Variants in HDAC7 observed in about 807,000 individuals in gnomAD.
The protein encoded by HDAC7 is histone deacetylase 7, also known as histone deacetylase 7A.
A neutral mutation model predicts 115.5 loss-of-function variants in HDAC7; 26 were observed. That is an observed-to-expected ratio of 0.23 (90% CI 0.16 to 0.31). The LOEUF is 0.31. Ranked by LOEUF, HDAC7 falls within the 10% of genes least tolerant of loss-of-function variation. The pLI is 1.00. For missense variants in HDAC7, 1,068 were observed against 1,329.0 expected, an observed-to-expected ratio of 0.80 and a Z score of 3.05; for synonymous variants, 564 against 550.9, an observed-to-expected ratio of 1.02 and a Z score of -0.33.
In HDAC7 at chr12:47,798,638, C is replaced by T. The variant is rs765406519; in HGVS notation, c.273G>A (p.Thr91=). 4.3e-6 allele frequency: 7 copies of T among 1,613,548 alleles called. No homozygotes were observed. Among genetic ancestry groups the T allele is most frequent in the Admixed American group, 1.7e-5 (1 of 59,972 alleles). Residue 91 remains threonine, a synonymous_variant, in exon 4 of 26, where the codon ACG becomes ACA. Coordinates refer to ENST00000080059, the MANE Select transcript of HDAC7 (RefSeq NM_015401.5). This position sits in a 1 kb window ranked among gnomAD's most constrained non-coding sequence, Gnocchi z 4.3. The part of the protein sequence containing the change: ...SVEPMRLSMD[T]PMPELQVGPQ... ...GTCCCACCTGCAACTCGGGCATCGGCGTGTCCATGGAGAGCTGTGGGCAGG... is the reference window on the plus strand; with the variant it reads ...GTCCCACCTGCAACTCGGGCATCGGTGTGTCCATGGAGAGCTGTGGGCAGG...
intron 1 of HDAC7, chr12:47,802,577 C>A (rs888856464): frequency 3.6e-6 from 4 of 1,099,258 alleles, no homozygotes; most frequent in African/African-American, 1.6e-5. Context: ...TGCCCTCAGC[C>A]CTCCCTCCTG....
At chr12:47,800,374 A>T (rs1944103866) in intron 2 of HDAC7, among the ~76,000 whole-genome samples, 1 of 152,162 alleles carries the variant, frequency 6.6e-6, no homozygotes, top group African/African-American at 2.4e-5. Flanking sequence ...GGTTTGCAGT[A>T]GGCTGTCATT....
chr12:47,791,298 T>G lies in HDAC7; in HGVS notation c.1944A>C (p.Ala648=). Residue 648 remains alanine (A), a synonymous_variant, in exon 16 of 26, where the codon GCA becomes GCC. Coordinates refer to ENST00000080059, the MANE Select transcript of HDAC7 (RefSeq NM_015401.5). ...AGGGCAGCATCACAAACATCCGCTGTGCCAGGAGCCCTGCGGGGAGAGGCC... is the reference window on the plus strand; with the variant it reads ...AGGGCAGCATCACAAACATCCGCTGGGCCAGGAGCCCTGCGGGGAGAGGCC... The part of the protein sequence containing the change: ...LDNGKLAGLL[A]QRMFVMLPCG... 6.3e-7 allele frequency: 1 copy of G among 1,598,236 alleles called. No individual in the cohort carries two copies. The highest frequency in any genetic ancestry group is 8.5e-7 in the Non-Finnish European group (1 of 1,172,390).
intron 1 of HDAC7, chr12:47,813,120 A>C (rs1402954204): frequency 6.7e-6 from 1 of 149,866 alleles, no homozygotes; most frequent in East Asian, 2.0e-4. Context: ...CCGCCTCCAC[A>C]TTTGCTAACC....
chr12:47,819,961 T>A (rs1429667209), upstream of HDAC7: 1 of 114,674 alleles, frequency 8.7e-6, no homozygotes, highest in Non-Finnish European at 1.7e-5. Context: ...AGGATGACAA[T>A]GGAAGGAAAT....
At chr12:47,789,006 A>G in intron 19 of HDAC7, 1 of 497,252 alleles carries the variant, frequency 2.0e-6, no homozygotes, top group Non-Finnish European at 3.6e-6. Flanking sequence ...AATAGAGGTC[A>G]AAAGACAACA....
rs755370143 is a variant in HDAC7, at chr12:47,793,460, T to C, written c.1587A>G (p.Ala529=). 10 of 1,554,538 alleles carry C rather than the reference T, an allele frequency of 6.4e-6. No homozygotes were observed. The highest frequency in any genetic ancestry group is 8.7e-6 in the Non-Finnish European group (10 of 1,149,696). The change falls in exon 13 of 26, where the codon GCA becomes GCG. Residue 529 remains alanine (A), a synonymous_variant. Coordinates refer to ENST00000080059, the MANE Select transcript of HDAC7 (RefSeq NM_015401.5). This position sits in a 1 kb window ranked among gnomAD's most constrained non-coding sequence, Gnocchi z 4.5. ...PLSRAQSSPA[A]PASLSAPEPA... ...GCTCTGGGGCTGACAGTGAGGCAGG[T>C]GCGGCTGGGGAAGACTGAGCCCGGG...
chr12:47,785,221 G>C (rs1237765005), intron 24 of HDAC7, 166 bp downstream of exon 24: 2 of 646,228 alleles, frequency 3.1e-6, no homozygotes, highest in African/African-American at 1.8e-5. Flanking sequence ...CCCCTCACTG[G>C]GGGGTGCTCA....
rs943262880 is a variant in HDAC7, at chr12:47,797,466, G to A, written c.495C>T (p.Thr165=). The part of the protein sequence containing the change: ...TLEPLETEGA[T]RSMLSSFLPP... ...GCAAAAAGCTGCTGAGCATGGAGCG[G>A]GTGGCTCCTTCCGTCTCCAGGGGCT... Residue 165 remains threonine, a synonymous_variant, in exon 6 of 26, where the codon ACC becomes ACT. Coordinates refer to ENST00000080059, the MANE Select transcript of HDAC7 (RefSeq NM_015401.5). This position sits in a 1 kb window ranked among gnomAD's most constrained non-coding sequence, Gnocchi z 5.5. 10 of 1,613,686 alleles carry A rather than the reference G, an allele frequency of 6.2e-6. No individual in the cohort carries two copies. In the East Asian group the frequency reaches 6.7e-5, roughly 11 times the overall value.
At position 47,791,635 on chromosome 12, in the gene HDAC7, G is replaced by A. The variant is rs199772103; in HGVS notation, c.1884C>T (p.Tyr628=). 88 of 1,612,024 alleles carry A rather than the reference G, an allele frequency of 5.5e-5. No homozygotes were observed. The highest frequency in any genetic ancestry group is 3.6e-4 in the East Asian group (16 of 44,828). Reference sequence around the variant, plus strand: ...TGAGGCGGCTGAGCGGGTTGGTGCCGTAGAGGAGCACGTGCCGCTCAGAGT... The same window carrying A: ...TGAGGCGGCTGAGCGGGTTGGTGCCATAGAGGAGCACGTGCCGCTCAGAGT... ...SVHSERHVLL[Y]GTNPLSRLKL... Residue 628 remains tyrosine, a synonymous_variant, in exon 15 of 26, where the codon TAC becomes TAT. Transcript: ENST00000080059.
chr12:47,786,310 G>A (rs778178231), intron 22 of HDAC7, among the ~76,000 whole-genome samples: 34 of 152,314 alleles, frequency 2.2e-4, no homozygotes, highest in Middle Eastern at 3.4e-3. Context: ...GGAGTCCCAC[G>A]GCTGAGCTTC....
Position 47,803,613 on chromosome 12 carries a change from C to T in HDAC7, c.20-1339G>A, listed in dbSNP as rs1944266418. Among the ~76,000 whole-genome samples the T allele has an allele frequency of 6.6e-6, 1 of 152,198 alleles. No individual in the cohort carries two copies. The highest frequency in any genetic ancestry group is 6.5e-5 in the Admixed American group (1 of 15,284). On this transcript the variant is annotated intron_variant, in intron 1 of 25. Transcript: ENST00000080059. The surrounding 1 kb of genome is among the most constrained non-coding windows in gnomAD (Gnocchi z 4.0). ...TCCCCTCTTCCTTTTCCACAGCACTCGCTCTGTGTCTACCACCTTGACACT... is the reference window on the plus strand; with the variant it reads ...TCCCCTCTTCCTTTTCCACAGCACTTGCTCTGTGTCTACCACCTTGACACT...
At chr12:47,807,963 T>A (rs1565582276) in intron 1 of HDAC7, among the ~76,000 whole-genome samples, 1 of 152,194 alleles carries the variant, frequency 6.6e-6, no homozygotes, top group Non-Finnish European at 1.5e-5. Flanking sequence ...AGCTGCACCA[T>A]TTCTCTGTAT....
chr12:47,820,179 C>A (rs534588619), upstream of HDAC7, among the ~76,000 whole-genome samples: 8 of 151,418 alleles, frequency 5.3e-5, no homozygotes, highest in African/African-American at 1.7e-4. The surrounding 1 kb of genome is among the most constrained non-coding windows in gnomAD (Gnocchi z 4.3). Flanking sequence ...GCTCCGAGCC[C>A]CAGCCGCCGC....
chr12:47,807,239 C>T (rs1454853974), intron 1 of HDAC7, among the ~76,000 whole-genome samples: 1 of 152,178 alleles, frequency 6.6e-6, no homozygotes, highest in Non-Finnish European at 1.5e-5. Context: ...CGTGCCCAGC[C>T]CCCTGCCCTA....
chr12:47,785,671 A>T, intron 23 of HDAC7, 81 bp downstream of exon 23: 1 of 1,500,134 alleles, frequency 6.7e-7, no homozygotes, highest in South Asian at 1.3e-5. Context: ...GTCCCATCCC[A>T]TCTGCCTGCT....
At chr12:47,789,982 G>T in intron 16 of HDAC7, 62 bp from the exon 17 acceptor site, 2 of 1,313,836 alleles carry the variant, frequency 1.5e-6, no homozygotes, top group South Asian at 1.2e-5. Context: ...CAGGGCCCAA[G>T]GGGGTGGTCC....
chr12:47,816,205 T>A (rs1186056004), intron 1 of HDAC7, among the ~76,000 whole-genome samples: 1 of 152,088 alleles, frequency 6.6e-6, no homozygotes, highest in Non-Finnish European at 1.5e-5. Flanking sequence ...GATCTTTATC[T>A]TTAACACATT....
intron 1 of HDAC7, chr12:47,817,499 G>C (rs1251815700): frequency 3.3e-5 from 5 of 152,304 alleles, no homozygotes; most frequent in African/African-American, 1.2e-4. Flanking sequence ...GCTAGCCCCA[G>C]ACTTTATTCA....
Sources: allele counts gnomAD v4.1 joint callset (sites outside exome capture counted in the v4.1 genomes callset), GRCh38; gene constraint gnomAD v4.1.1; non-coding constraint Gnocchi (gnomAD v3.1); transcripts MANE v1.5; gene names NCBI Gene and HGNC (gene_info 2026-07-23, HGNC 2026-07-21).